The following APTX variants were observed in gnomAD, a reference collection of about 807,000 sequenced individuals.
The protein encoded by APTX is aprataxin.
APTX carries 33 observed loss-of-function variants against 42.3 expected under a neutral mutation model. That is an observed-to-expected ratio of 0.78 (90% CI 0.59 to 1.04). APTX has a LOEUF of 1.04. APTX is among the 50% of genes least tolerant of loss of function. The probability of loss-of-function intolerance (pLI) is 0.00; values close to 1 mark genes in which losing one functional copy is unlikely to be tolerated. For missense variants in APTX, 421 were observed against 415.1 expected, an observed-to-expected ratio of 1.01 and a Z score of -0.12; for synonymous variants, 130 against 146.7, an observed-to-expected ratio of 0.89 and a Z score of 0.82.
intron 1 of APTX, among the ~76,000 whole-genome samples, chr9:33,021,702 G>A (rs1838398095): frequency 6.6e-6 from 1 of 151,918 alleles, no homozygotes; most frequent in Non-Finnish European, 1.5e-5. Flanking sequence ...ACATTAGTCA[G>A]GAAAAATAAG....
At chr9:33,025,070 C>G (rs528859899) in exon 1 of APTX, 1 of 152,550 alleles carries the variant, frequency 6.6e-6, no homozygotes, top group South Asian at 2.1e-4. Context: ...GAGAAAAGGG[C>G]TCCAGAAGAT....
intron 1 of APTX, among the ~76,000 whole-genome samples, chr9:33,014,023 G>C (rs559803615): frequency 1.9e-4 from 29 of 152,312 alleles, no homozygotes; most frequent in South Asian, 1.4e-3. Flanking sequence ...GGAGTGTAAA[G>C]AGACCCTAGT....
intron 1 of APTX, among the ~76,000 whole-genome samples, chr9:33,014,216 AGG>A (rs1837740183): frequency 6.6e-6 from 1 of 151,132 alleles, no homozygotes; most frequent in Non-Finnish European, 1.5e-5. Flanking sequence ...AGCACTCATA[AGG>A]TTACCTGAGG....
chr9:33,001,350 G>A, intron 1 of APTX: 1 of 1,527,550 alleles, frequency 6.5e-7, no homozygotes, highest in Non-Finnish European at 8.7e-7. Context: ...GGGAGCACAC[G>A]TGAACAAACG....
intron 1 of APTX, among the ~76,000 whole-genome samples, chr9:33,015,183 A>C (rs1308888805): frequency 6.6e-6 from 1 of 152,206 alleles, no homozygotes; most frequent in Non-Finnish European, 1.5e-5. Flanking sequence ...AAGTGGCTGT[A>C]AACCCTTCTG....
intron 1 of APTX, 114 bp downstream of exon 1, chr9:33,001,428 AGAAAGCAGCCGTGAGAGCAGCGCAT>A (rs762405908): frequency 1.3e-6 from 2 of 1,546,334 alleles, no homozygotes; most frequent in South Asian, 1.2e-5. Context: ...GGGAGGACGG[AGAAAGCAGCCGTGAGAGCAGCGCAT>A]GAAAGCAGCG....
intron 6 of APTX, among the ~76,000 whole-genome samples, chr9:32,984,334 A>G (rs553152408): frequency 6.6e-6 from 1 of 152,354 alleles, no homozygotes; most frequent in African/African-American, 2.4e-5. Flanking sequence ...ACTGACCACA[A>G]TTCTTTATCT....
intron 1 of APTX, among the ~76,000 whole-genome samples, chr9:33,013,486 C>A (rs994304582): frequency 2.0e-5 from 3 of 152,186 alleles, no homozygotes; most frequent in Admixed American, 2.0e-4. Flanking sequence ...ACGATGAAGA[C>A]AACATCATGA....
At chr9:32,977,934 G>C (rs573126898) in intron 6 of APTX, among the ~76,000 whole-genome samples, 1 of 152,198 alleles carries the variant, frequency 6.6e-6, no homozygotes, top group South Asian at 2.1e-4. Context: ...TCAAAAACAA[G>C]GACTAACCCA....
chr9:32,984,937 A>C (rs1352638568), intron 5 of APTX, 80 bp from the exon 6 acceptor site: 21 of 1,296,450 alleles, frequency 1.6e-5, no homozygotes, highest in Non-Finnish European at 2.2e-5. Context: ...TCACTAAGTC[A>C]CTTAATTCCC....
rs60612928 is a variant in APTX, at chr9:32,975,983, T to A, written c.771-1422A>T. Among the ~76,000 whole-genome samples, 805 of 152,332 alleles carry A rather than the reference T, an allele frequency of 5.3e-3. 9 individuals carry two copies. The highest frequency in any genetic ancestry group is 0.018 in the African/African-American group (757 of 41,576). On this transcript the variant is annotated intron_variant, in intron 6 of 7. Coordinates refer to ENST00000379817, the MANE Select transcript of APTX (RefSeq NM_001195248.2). ...GTAGACTGCAGCAGTGGCCTGTAAG[T>A]GTACTCCAAGCGTACCGTAAGAACC...
At chr9:33,001,051 C>T (rs1053508695) in intron 1 of APTX, among the ~76,000 whole-genome samples, 2 of 151,708 alleles carry the variant, frequency 1.3e-5, no homozygotes, top group African/African-American at 4.8e-5. Flanking sequence ...TTCTCCATGT[C>T]GGTCAGGCTG....
At chr9:32,990,141 C>T in intron 1 of APTX, 2 of 530,508 alleles carry the variant, frequency 3.8e-6, no homozygotes, top group Non-Finnish European at 6.7e-6. Context: ...TCATGCTAGG[C>T]AATCAAATAT....
intron 1 of APTX, chr9:33,001,287 C>T: frequency 6.8e-7 from 1 of 1,476,776 alleles, no homozygotes; most frequent in Admixed American, 2.0e-5. Flanking sequence ...GGACAGGGCC[C>T]ATTCTCTAAT....
intron 1 of APTX, among the ~76,000 whole-genome samples, chr9:33,019,132 A>T (rs1420956148): frequency 6.6e-6 from 1 of 152,224 alleles, no homozygotes; most frequent in South Asian, 2.1e-4. Context: ...AAATTTTAAC[A>T]ATAGGTTAAG....
At position 32,975,432 on chromosome 9, in the gene APTX, C is replaced by T. The variant is rs142038548; in HGVS notation, c.771-871G>A. On this transcript the variant is annotated intron_variant, in intron 6 of 7. Coordinates refer to ENST00000379817, the MANE Select transcript of APTX (RefSeq NM_001195248.2). ...CTTTTGAAAATGCAACCAGGTGCGG[C>T]GGCTCACGCCTGTAATCCCAGCACT... Among the ~76,000 whole-genome samples, 667 of 152,114 alleles carry T rather than the reference C, an allele frequency of 4.4e-3. 6 individuals carry two copies. The highest frequency in any genetic ancestry group is 0.015 in the African/African-American group (633 of 41,498).
At chr9:32,977,447 G>A (rs938188466) in intron 6 of APTX, among the ~76,000 whole-genome samples, 2 of 152,118 alleles carry the variant, frequency 1.3e-5, no homozygotes, top group African/African-American at 2.4e-5. Flanking sequence ...TCTTGACACT[G>A]TACTCCAGAC....
intron 1 of APTX, among the ~76,000 whole-genome samples, chr9:32,991,129 T>C (rs1439220320): frequency 6.6e-6 from 1 of 152,184 alleles, no homozygotes; most frequent in Non-Finnish European, 1.5e-5. Flanking sequence ...TTTCTCCATG[T>C]TGGTCAGTCT....
At chr9:32,988,537 A>G (rs1406787237) in intron 2 of APTX, among the ~76,000 whole-genome samples, 1 of 151,882 alleles carries the variant, frequency 6.6e-6, no homozygotes, top group East Asian at 1.9e-4. Flanking sequence ...AAAATTAGCC[A>G]GGTGTGGTGG....
Sources: gnomAD v4.1 joint callset for allele counts (sites outside exome capture counted in the v4.1 genomes callset) on GRCh38, gnomAD v4.1.1 for gene constraint, MANE v1.5 for transcripts, NCBI Gene and HGNC (gene_info 2026-07-23, HGNC 2026-07-21) for gene names.